The following PCDHA12 variants were observed in gnomAD, a reference collection of about 807,000 sequenced individuals.
PCDHA12 encodes protocadherin alpha 12, also known as protocadherin alpha-12.
PCDHA12 carries 44 observed loss-of-function variants against 60.0 expected under a neutral mutation model. That is an observed-to-expected ratio of 0.73 (90% CI 0.58 to 0.94). The LOEUF (loss-of-function observed/expected upper bound fraction) is 0.94, where lower values mean the gene tolerates loss of function less well. Among genes scored for constraint, PCDHA12 ranks in the 40% least tolerant of loss-of-function variants. The pLI, the probability that PCDHA12 is intolerant of heterozygous loss-of-function variation, is 0.00. For missense variants in PCDHA12, 1,276 were observed against 1,239.7 expected (o/e 1.03, Z -0.44); for synonymous variants, 569 against 553.0 (o/e 1.03, Z -0.40).
intron 1 of PCDHA12, chr5:140,883,589 G>C (rs782300348): frequency 6.2e-7 from 1 of 1,614,014 alleles, no homozygotes; most frequent in Non-Finnish European, 8.5e-7. Context: ...CACGGCCAGC[G>C]TGTCGGTGGG....
intron 1 of PCDHA12, chr5:140,928,544 A>G (rs1554205985): frequency 3.1e-6 from 5 of 1,614,062 alleles, no homozygotes; most frequent in Middle Eastern, 1.6e-4. Flanking sequence ...AGGAATGACA[A>G]TTATCCGGTT....
At chr5:140,882,137 A>G in intron 1 of PCDHA12, 1 of 1,489,212 alleles carries the variant, frequency 6.7e-7, no homozygotes. Flanking sequence ...CCTGCAGAAA[A>G]TATAGCAGAA....
intron 1 of PCDHA12, among the ~76,000 whole-genome samples, chr5:140,977,966 G>A (rs562447024): frequency 3.9e-5 from 6 of 152,004 alleles, no homozygotes; most frequent in South Asian, 4.2e-4. Context: ...CTCAATCTCC[G>A]CCCATGAAAA....
intron 3 of PCDHA12, among the ~76,000 whole-genome samples, chr5:141,005,530 C>T (rs920110529): frequency 1.3e-5 from 2 of 151,002 alleles, no homozygotes; most frequent in Non-Finnish European, 3.0e-5. Context: ...GGTGAAACCC[C>T]GTCTCTACTA....
At chr5:140,882,331 C>G (rs781801545) in intron 1 of PCDHA12, 3 of 1,614,214 alleles carry the variant, frequency 1.9e-6, no homozygotes, top group South Asian at 1.1e-5. Flanking sequence ...TTCTGATCCT[C>G]GCAGCCTGGG....
chr5:140,905,957 G>A (rs993962295), intron 1 of PCDHA12, among the ~76,000 whole-genome samples: 1 of 152,200 alleles, frequency 6.6e-6, no homozygotes, highest in South Asian at 2.1e-4. Context: ...CGATGTTCAA[G>A]GGGAGGAAGA....
At chr5:140,883,379 C>G in intron 1 of PCDHA12, 1 of 1,614,182 alleles carries the variant, frequency 6.2e-7, no homozygotes, top group Non-Finnish European at 8.5e-7. Flanking sequence ...CATTATTGCC[C>G]TAATCAGTGT....
intron 1 of PCDHA12, chr5:140,968,651 GA>G: frequency 6.2e-7 from 1 of 1,614,154 alleles, no homozygotes; most frequent in Non-Finnish European, 8.5e-7. Flanking sequence ...CCAGACTTCT[GA>G]CCTGGACCTC....
At position 140,885,311 on chromosome 5, in the gene PCDHA12, T is replaced by C. The variant is rs3776122; in HGVS notation, c.2367+7472T>C. On this transcript the variant is annotated intron_variant, in intron 1 of 3. Transcript: ENST00000398631. Reference sequence around the variant, plus strand: ...AGAGAGAGACCTGGTAGGCTTTTTGTTATTATTTCTTTTCCAAAGTTTGAA... The same window carrying C: ...AGAGAGAGACCTGGTAGGCTTTTTGCTATTATTTCTTTTCCAAAGTTTGAA... Among the ~76,000 whole-genome samples, 52 of 152,304 alleles carry C rather than the reference T, an allele frequency of 3.4e-4. No individual in the cohort carries two copies. In the East Asian group the frequency reaches 7.5e-3, roughly 22 times the overall value.
rs375261398 is a variant in PCDHA12 at position 140,910,786 on chromosome 5, A to G, written c.2367+32947A>G. On this transcript the variant is annotated intron_variant, in intron 1 of 3. Transcript: ENST00000398631. ...TAAACTCCCCAAGCTGCAACATTAA[A>G]TGCAGAATCCCTGCTTAGTGGGCCC... is the stretch of plus-strand genomic sequence containing the variant. 2.6e-3 allele frequency among the ~76,000 whole-genome samples: 391 copies of G among 152,326 alleles called. 2 individuals are homozygous for G. Among genetic ancestry groups the G allele is most frequent in the African/African-American group, 9.1e-3 (380 of 41,560 alleles).
At chr5:140,973,586 C>T (rs1207651483) in intron 1 of PCDHA12, among the ~76,000 whole-genome samples, 2 of 152,176 alleles carry the variant, frequency 1.3e-5, no homozygotes, top group African/African-American at 4.8e-5. Context: ...GACTGCTGAG[C>T]CAGATGGAAT....
At chr5:140,975,022 G>A (rs2096650178) in intron 1 of PCDHA12, among the ~76,000 whole-genome samples, 2 of 152,188 alleles carry the variant, frequency 1.3e-5, no homozygotes, top group Admixed American at 1.3e-4. Context: ...GCTGGGCTGT[G>A]TTGTCCTTTG....
intron 1 of PCDHA12, among the ~76,000 whole-genome samples, chr5:140,890,243 A>G (rs782339518): frequency 6.6e-6 from 1 of 152,130 alleles, no homozygotes; most frequent in Non-Finnish European, 1.5e-5. Context: ...ATTTACCAGT[A>G]CACTACTGCA....
At chr5:140,928,348 G>A in intron 1 of PCDHA12, 1 of 1,614,172 alleles carries the variant, frequency 6.2e-7, no homozygotes, top group Non-Finnish European at 8.5e-7. Context: ...TGAGCTGTTG[G>A]ATGTTATCTC....
intron 1 of PCDHA12, chr5:140,928,707 C>T: frequency 6.2e-7 from 1 of 1,614,184 alleles, no homozygotes; most frequent in South Asian, 1.1e-5. Flanking sequence ...GGGCGTCTGA[C>T]TCTAGTCTCT....
intron 1 of PCDHA12, among the ~76,000 whole-genome samples, chr5:140,946,772 TG>T (rs2094025159): frequency 6.6e-6 from 1 of 151,346 alleles, no homozygotes; most frequent in Non-Finnish European, 1.5e-5. Context: ...TCATGTGGAA[TG>T]TAAAAAAGCT....
intron 2 of PCDHA12, 176 bp downstream of exon 2, chr5:140,979,183 G>C (rs2096838721): frequency 1.1e-6 from 1 of 925,482 alleles, no homozygotes; most frequent in Admixed American, 6.2e-5. Context: ...CAAATGGTCA[G>C]TGCCAGATGC....
intron 1 of PCDHA12, chr5:140,969,211 A>T: frequency 6.2e-7 from 1 of 1,614,206 alleles, no homozygotes; most frequent in Non-Finnish European, 8.5e-7. Context: ...GGGCCCAGAC[A>T]GGACCAGGGC....
In PCDHA12 at chr5:140,920,855, A is replaced by C. The variant is rs537725798; in HGVS notation, c.2367+43016A>C. Among the ~76,000 whole-genome samples, 935 of 152,094 alleles carry C rather than the reference A, an allele frequency of 6.1e-3. 10 individuals are homozygous for C. Among genetic ancestry groups the C allele is most frequent in the Admixed American group, 0.012 (185 of 15,278 alleles). On this transcript the variant is annotated intron_variant, in intron 1 of 3. Coordinates refer to ENST00000398631, the MANE Select transcript of PCDHA12 (RefSeq NM_018903.4). ...AAGACCAAATCTAAAAAAAAAAAAAAAAACAAACAAACTGTGGCCCTTAGA... is the reference window on the plus strand; with the variant it reads ...AAGACCAAATCTAAAAAAAAAAAAACAAACAAACAAACTGTGGCCCTTAGA...
Sources: gnomAD v4.1 joint callset for allele counts (sites outside exome capture counted in the v4.1 genomes callset) on GRCh38, gnomAD v4.1.1 for gene constraint, MANE v1.5 for transcripts, NCBI Gene and HGNC (gene_info 2026-07-23, HGNC 2026-07-21) for gene names.